Variants in CDC14A observed in about 807,000 individuals in gnomAD.
CDC14A encodes dual specificity protein phosphatase CDC14A.
CDC14A carries 53 observed loss-of-function variants against 74.4 expected under a neutral mutation model. That is an observed-to-expected ratio of 0.71 (90% CI 0.57 to 0.89). CDC14A has a LOEUF of 0.89. Among genes scored for constraint, CDC14A ranks in the 40% least tolerant of loss-of-function variants. The pLI is 0.00. For missense variants in CDC14A, 646 were observed against 713.7 expected, an observed-to-expected ratio of 0.91 and a Z score of 1.08; for synonymous variants, 247 against 258.4, an observed-to-expected ratio of 0.96 and a Z score of 0.43.
At chr1:100,407,365 C>T (rs1660092752) in intron 4 of CDC14A, among the ~76,000 whole-genome samples, 1 of 152,160 alleles carries the variant, frequency 6.6e-6, no homozygotes, top group South Asian at 2.1e-4. Flanking sequence ...TTTGTATCCT[C>T]TTTGATTTCT....
At chr1:100,477,923 T>C (rs1339030418) in intron 10 of CDC14A, among the ~76,000 whole-genome samples, 3 of 152,194 alleles carry the variant, frequency 2.0e-5, no homozygotes, top group African/African-American at 7.2e-5. Context: ...AGGTGCTTGA[T>C]TGCCATGTCT....
chr1:100,433,231 G>A (rs1355445709), intron 5 of CDC14A, among the ~76,000 whole-genome samples: 5 of 152,230 alleles, frequency 3.3e-5, no homozygotes, highest in South Asian at 4.1e-4. Flanking sequence ...TCAGGCATAA[G>A]TTGAATGAAC....
upstream of CDC14A, chr1:100,352,442 G>T (rs961248203): frequency 2.0e-6 from 2 of 1,006,836 alleles, no homozygotes; most frequent in Non-Finnish European, 2.4e-6. Context: ...GTCTGGGGGC[G>T]GACCCAGGGG....
At chr1:100,491,563 TA>T (rs1557822208) in intron 11 of CDC14A, among the ~76,000 whole-genome samples, 13 of 86,196 alleles carry the variant, frequency 1.5e-4, no homozygotes, top group African/African-American at 6.6e-4. Flanking sequence ...TATATATATA[TA>T]TATATATATT....
intron 4 of CDC14A, chr1:100,393,663 A>T: frequency 1.9e-6 from 1 of 536,478 alleles, no homozygotes; most frequent in East Asian, 4.1e-5. Flanking sequence ...ATATGGATCA[A>T]GTGGTCAATA....
chr1:100,506,021 C>G (rs11166463), intron 15 of CDC14A, among the ~76,000 whole-genome samples: 131,097 of 152,042 alleles, frequency 0.86, 59,509 homozygotes, highest in Non-Finnish European at 1. Flanking sequence ...GGAACTCACT[C>G]ATTACTGGGA....
At chr1:100,504,701 T>G (rs1649079788) in intron 15 of CDC14A, 1 of 766,668 alleles carries the variant, frequency 1.3e-6, no homozygotes, top group African/African-American at 1.7e-5. Context: ...TGCTAGAACA[T>G]AAATACTGAC....
At chr1:100,412,752 ATTTT>A (rs1661006716) in intron 4 of CDC14A, among the ~76,000 whole-genome samples, 1 of 101,374 alleles carries the variant, frequency 9.9e-6, no homozygotes, top group Non-Finnish European at 1.7e-5. Flanking sequence ...ATATATATAT[ATTTT>A]ATATATATAT....
At chr1:100,503,433 T>C (rs1648956675) in intron 15 of CDC14A, among the ~76,000 whole-genome samples, 1 of 152,210 alleles carries the variant, frequency 6.6e-6, no homozygotes, top group South Asian at 2.1e-4. Flanking sequence ...AGAGGGAATC[T>C]AATATTTTAA....
intron 3 of CDC14A, among the ~76,000 whole-genome samples, chr1:100,380,678 T>G (rs1293514633): frequency 1.3e-5 from 2 of 152,220 alleles, no homozygotes; most frequent in African/African-American, 4.8e-5. Context: ...GTCACTTACT[T>G]CAGTAAGGTC....
intron 2 of CDC14A, among the ~76,000 whole-genome samples, chr1:100,371,945 C>T (rs916511218): frequency 6.6e-6 from 1 of 152,162 alleles, no homozygotes; most frequent in Non-Finnish European, 1.5e-5. Flanking sequence ...TATTTATACA[C>T]AGGCATACTG....
At position 100,353,016 on chromosome 1, in the gene CDC14A, C is replaced by T. The variant is rs1458820085; in HGVS notation, c.49+13C>T. The T allele has an allele frequency of 1.9e-6, 3 of 1,613,678 alleles. No individual in the cohort carries two copies. The highest frequency in any genetic ancestry group is 1.3e-5 in the African/African-American group (1 of 74,952). On this transcript the variant is annotated intron_variant, in intron 1 of 15. Coordinates refer to ENST00000336454, the MANE Select transcript of CDC14A (RefSeq NM_003672.4). ...GAGTTCATGAAAGGTGAGGAGCAGC[C>T]GCCCCGCATCTTCCAACGCTTTCTT...
At chr1:100,346,346 T>C (rs978326647) in intron 1 of CDC14A, among the ~76,000 whole-genome samples, 2 of 152,106 alleles carry the variant, frequency 1.3e-5, no homozygotes, top group South Asian at 2.1e-4. Context: ...AGAGTATGAA[T>C]GGCGTGGGTG....
At chr1:100,424,482 A>G (rs1454026996) in intron 5 of CDC14A, among the ~76,000 whole-genome samples, 181 bp downstream of exon 5, 1 of 152,204 alleles carries the variant, frequency 6.6e-6, no homozygotes, top group Admixed American at 6.5e-5. Flanking sequence ...AGCAAGAATA[A>G]AAGAGCTTTC....
chr1:100,359,893 C>A (rs1336954536), intron 2 of CDC14A, among the ~76,000 whole-genome samples: 1 of 151,068 alleles, frequency 6.6e-6, no homozygotes, highest in Non-Finnish European at 1.5e-5. Context: ...TTCTCTTCAT[C>A]CAAACCTTGG....
intron 2 of CDC14A, among the ~76,000 whole-genome samples, chr1:100,359,648 AAAAG>A (rs760490405): frequency 6.6e-6 from 1 of 152,172 alleles, no homozygotes; most frequent in Non-Finnish European, 1.5e-5. Flanking sequence ...TGCACTACCA[AAAAG>A]AAAGAGAGGA....
intron 2 of CDC14A, among the ~76,000 whole-genome samples, chr1:100,354,063 A>C (rs570183587): frequency 2.6e-5 from 4 of 152,148 alleles, no homozygotes; most frequent in Non-Finnish European, 4.4e-5. Flanking sequence ...TTAGACATCT[A>C]TCTGTTTTAG....
chr1:100,505,643 G>T (rs1649165875), intron 15 of CDC14A, among the ~76,000 whole-genome samples: 1 of 152,186 alleles, frequency 6.6e-6, no homozygotes, highest in Non-Finnish European at 1.5e-5. Flanking sequence ...CTTTCCAGTG[G>T]TATGTAGTAG....
At chr1:100,423,506 G>A (rs1195697876) in intron 4 of CDC14A, among the ~76,000 whole-genome samples, 1 of 152,106 alleles carries the variant, frequency 6.6e-6, no homozygotes, top group Non-Finnish European at 1.5e-5. Context: ...ATTCTATTAA[G>A]GGAGGTGCCA....
Sources: allele counts gnomAD v4.1 joint callset (sites outside exome capture counted in the v4.1 genomes callset), GRCh38; gene constraint gnomAD v4.1.1; transcripts MANE v1.5; gene names NCBI Gene and HGNC (gene_info 2026-07-23, HGNC 2026-07-21).